The following RBFOX1 variants were observed in gnomAD, a reference collection of about 807,000 sequenced individuals.
RBFOX1 encodes RNA binding fox-1 homolog 1.
In RBFOX1, 8 loss-of-function variants were observed where a neutral mutation model predicts 57.7. That is an observed-to-expected ratio of 0.14 (90% CI 0.08 to 0.25). The LOEUF (loss-of-function observed/expected upper bound fraction) is 0.25. Ranked by LOEUF, RBFOX1 falls within the 10% of genes least tolerant of loss-of-function variation. RBFOX1 has a pLI of 1.00. For synonymous variants in RBFOX1, 326 were observed against 222.4 expected (o/e 1.47, Z -4.15); for missense variants, 611 against 548.5 (o/e 1.11, Z -1.14).
chr16:6,704,126 A>G (rs1213810331), intron 3 of RBFOX1: 1 of 151,920 alleles, frequency 6.6e-6, no homozygotes, highest in East Asian at 1.9e-4. Context: ...AATTCATTTC[A>G]CCTTCCTCCT....
chr16:6,893,337 C>T lies in RBFOX1; in HGVS notation c.-15-158720C>T, dbSNP rs191491145. ...CCCTAGAGATCAAACTCATATAGGT[C>T]ATCTAAAAATACACGATCAAGTCAC... On this transcript the variant is annotated intron_variant, in intron 3 of 15. Coordinates refer to ENST00000550418, the MANE Select transcript of RBFOX1 (RefSeq NM_018723.4). 3.3e-5 allele frequency among the ~76,000 whole-genome samples: 5 copies of T among 152,234 alleles called. No homozygotes were observed. In the South Asian group the frequency reaches 1.0e-3, roughly 32 times the overall value.
At chr16:5,321,503 G>A (rs1156706025) in intron 1 of RBFOX1, among the ~76,000 whole-genome samples, 1 of 152,066 alleles carries the variant, frequency 6.6e-6, no homozygotes, top group Non-Finnish European at 1.5e-5. Flanking sequence ...TGTATTTTTA[G>A]TAGAGACGGG....
chr16:5,930,813 G>A (rs1377875797), intron 4 of RBFOX1, among the ~76,000 whole-genome samples: 1 of 143,158 alleles, frequency 7.0e-6, no homozygotes, highest in Non-Finnish European at 1.5e-5. Context: ...TGGGTGGGAG[G>A]GTGGATGGTT....
chr16:5,753,670 C>T (rs867376100), intron 3 of RBFOX1, among the ~76,000 whole-genome samples: 60 of 152,094 alleles, frequency 3.9e-4, no homozygotes, highest in African/African-American at 1.4e-3. Context: ...AGTATTTATA[C>T]CACAGAAACT....
chr16:7,653,711 T>G, intron 11 of RBFOX1, 104 bp from the exon 12 acceptor site: 22 of 1,519,116 alleles, frequency 1.4e-5, no homozygotes, highest in Non-Finnish European at 2.0e-5. Context: ...GGGGTCCTGC[T>G]GGGACCCTGT....
chr16:7,633,266 G>GTGGC (rs1440374897), intron 11 of RBFOX1, among the ~76,000 whole-genome samples: 1 of 152,164 alleles, frequency 6.6e-6, no homozygotes, highest in Non-Finnish European at 1.5e-5. Context: ...AAAATACAAA[G>GTGGC]TGGCAATATC....
At chr16:5,665,956 C>T (rs1471965997) in intron 3 of RBFOX1, among the ~76,000 whole-genome samples, 6 of 152,322 alleles carry the variant, frequency 3.9e-5, no homozygotes, top group Non-Finnish European at 7.4e-5. Flanking sequence ...GCAGAGCTGA[C>T]GAAATGTCAA....
At chr16:7,031,080 C>G (rs1181129844) in intron 3 of RBFOX1, among the ~76,000 whole-genome samples, 1 of 152,092 alleles carries the variant, frequency 6.6e-6, no homozygotes, top group Non-Finnish European at 1.5e-5. Flanking sequence ...AGGAGGGTAG[C>G]CAGGGTTGTA....
intron 2 of RBFOX1, among the ~76,000 whole-genome samples, chr16:6,541,220 G>T (rs1203244241): frequency 6.6e-6 from 1 of 152,210 alleles, no homozygotes; most frequent in East Asian, 1.9e-4. Flanking sequence ...CTTAGGCTCT[G>T]AAGGGAGACA....
chr16:5,593,035 A>C (rs1397913862), intron 2 of RBFOX1, among the ~76,000 whole-genome samples: 2 of 152,198 alleles, frequency 1.3e-5, no homozygotes, highest in African/African-American at 4.8e-5. Context: ...GTCAGCACCA[A>C]ATACAGGTCA....
chr16:5,639,074 C>G (rs984379045), intron 3 of RBFOX1, among the ~76,000 whole-genome samples: 4 of 152,224 alleles, frequency 2.6e-5, no homozygotes, highest in African/African-American at 7.2e-5. Context: ...TTCTCATTTT[C>G]TTAATCTGTG....
At chr16:7,385,568 G>T (rs1177754751) in intron 4 of RBFOX1, among the ~76,000 whole-genome samples, 3 of 152,122 alleles carry the variant, frequency 2.0e-5, no homozygotes, top group Admixed American at 2.0e-4. Context: ...AATGTGAAAG[G>T]CCATGGTTAT....
At chr16:7,633,352 T>C (rs1014668921) in intron 11 of RBFOX1, among the ~76,000 whole-genome samples, 1 of 152,250 alleles carries the variant, frequency 6.6e-6, no homozygotes, top group Admixed American at 6.5e-5. Context: ...ATAATGTGCA[T>C]CCAACATCCT....
chr16:7,250,803 C>T (rs2094473996), intron 4 of RBFOX1, among the ~76,000 whole-genome samples: 1 of 152,182 alleles, frequency 6.6e-6, no homozygotes, highest in East Asian at 1.9e-4. Flanking sequence ...AAGACAGCTG[C>T]AGTTTCTCTG....
At chr16:7,370,275 G>C (rs893401029) in intron 4 of RBFOX1, among the ~76,000 whole-genome samples, 2 of 152,074 alleles carry the variant, frequency 1.3e-5, no homozygotes, top group African/African-American at 4.8e-5. Context: ...TATTTTCTTG[G>C]TACCCATTAA....
chr16:6,767,947 T>TAATAATAATAAG lies in RBFOX1; in HGVS notation c.-16+113299_-16+113300insTAATAATAAGAA, dbSNP rs1410744665. Reference sequence around the variant, plus strand: ...ATAATAATAATAATAATAATAATAATAAGAAGAAGAAGAAGAAGAAGAAGA... The same window carrying TAATAATAATAAG: ...ATAATAATAATAATAATAATAATAATAATAATAATAAGAAGAAGAAGAAGAAGAAGAAGAAGA... On this transcript the variant is annotated intron_variant, in intron 3 of 15. Coordinates refer to ENST00000550418, the MANE Select transcript of RBFOX1 (RefSeq NM_018723.4). Among the ~76,000 whole-genome samples the TAATAATAATAAG allele has an allele frequency of 2.9e-3, 292 of 101,012 alleles. 1 individual carries two copies. The highest frequency in any genetic ancestry group is 6.2e-3 in the South Asian group (17 of 2,738). 66.3% of individuals were successfully genotyped at this position (101,012 alleles called of 152,430 possible). A position where few individuals can be genotyped will look rare whatever the true frequency, so the allele number is the denominator to read the frequency against.
chr16:5,812,372 G>A (rs780293866), intron 3 of RBFOX1, among the ~76,000 whole-genome samples: 22 of 151,922 alleles, frequency 1.4e-4, no homozygotes, highest in Admixed American at 2.0e-4. Flanking sequence ...GTTTTCCAGA[G>A]TGGTTGAACC....
In RBFOX1 at chr16:6,202,724, A is replaced by G. The variant is rs570427314; in HGVS notation, c.-126-114271A>G. On this transcript the variant is annotated intron_variant, in intron 1 of 15. Coordinates refer to ENST00000550418, the MANE Select transcript of RBFOX1 (RefSeq NM_018723.4). ...TAATCAATGCTGTATATTTGTATTT[A>G]TCCATCACCTCCAAAAGCCTCCTCC... Among the ~76,000 whole-genome samples, 17 of 152,294 alleles carry G rather than the reference A, an allele frequency of 1.1e-4. No homozygotes were observed. In the South Asian group the frequency reaches 3.5e-3, roughly 32 times the overall value.
intron 2 of RBFOX1, among the ~76,000 whole-genome samples, chr16:5,506,901 C>G (rs1268306093): frequency 1.3e-5 from 2 of 152,130 alleles, no homozygotes; most frequent in South Asian, 2.1e-4. Context: ...CCCCCTCCAC[C>G]CACTCCAATC....
Sources: allele counts gnomAD v4.1 joint callset (sites outside exome capture counted in the v4.1 genomes callset), GRCh38; gene constraint gnomAD v4.1.1; transcripts MANE v1.5; gene names NCBI Gene and HGNC (gene_info 2026-07-23, HGNC 2026-07-21).